The following MMS22L variants were observed in gnomAD, a reference collection of about 807,000 sequenced individuals.
MMS22L encodes the protein protein MMS22-like.
Under a neutral mutation model 159.1 loss-of-function variants are expected in MMS22L, and 74 were observed. That is an observed-to-expected ratio of 0.47 (90% CI 0.39 to 0.56). MMS22L has a LOEUF of 0.56. Ranked by LOEUF, MMS22L falls within the 20% of genes least tolerant of loss-of-function variation. The probability of loss-of-function intolerance (pLI) is 0.00; values close to 1 mark genes in which losing one functional copy is unlikely to be tolerated. For missense variants in MMS22L, 1,351 were observed against 1,422.1 expected (o/e 0.95, Z 0.80); for synonymous variants, 517 against 506.9 (o/e 1.02, Z -0.27).
intron 9 of MMS22L, chr6:97,260,931 A>C (rs953137704): frequency 2.0e-5 from 3 of 151,354 alleles, no homozygotes; most frequent in Admixed American, 6.6e-5. Context: ...TAAGACCCTA[A>C]ATTTTCTGCT....
intron 4 of MMS22L, among the ~76,000 whole-genome samples, chr6:97,277,745 C>G (rs1468265078): frequency 6.6e-6 from 1 of 152,116 alleles, no homozygotes; most frequent in Non-Finnish European, 1.5e-5. Flanking sequence ...CCCTTAAGCC[C>G]TACGGAAAAT....
At position 97,173,161 on chromosome 6, in the gene MMS22L, T is replaced by G. The variant is rs1269308469; in HGVS notation, c.2741A>C (p.Lys914Thr). ...TLSDKSAMVTKSLEYLGEVLK... is the reference protein window; with the variant it reads ...TLSDKSAMVTTSLEYLGEVLK... Reference sequence around the variant, plus strand: ...TACTTCACCAAGGTATTCCAAGGACTTTGTGACCATGGCAGATTTATCAGA... The same window carrying G: ...TACTTCACCAAGGTATTCCAAGGACGTTGTGACCATGGCAGATTTATCAGA... Residue 914 changes from lysine to threonine, a missense_variant, in exon 19 of 25, where the codon AAG (lysine) becomes ACG (threonine). Physicochemically the swap from Lys to Thr is moderately conservative, Grantham distance 78. Transcript: ENST00000683635. The G allele has an allele frequency of 6.2e-7, 1 of 1,613,584 alleles. No homozygotes were observed. Among genetic ancestry groups the G allele is most frequent in the Non-Finnish European group, 8.5e-7 (1 of 1,179,772 alleles).
chr6:97,248,359 TCTC>T (rs1455361852), intron 10 of MMS22L, among the ~76,000 whole-genome samples: 21 of 151,786 alleles, frequency 1.4e-4, no homozygotes, highest in African/African-American at 4.6e-4. Context: ...CAGCTAAGCT[TCTC>T]CTGAATGCCT....
chr6:97,245,467 A>G (rs1812520641), intron 11 of MMS22L, among the ~76,000 whole-genome samples: 1 of 152,164 alleles, frequency 6.6e-6, no homozygotes, highest in Non-Finnish European at 1.5e-5. Context: ...TGTAATATGC[A>G]TCTTATTTCA....
chr6:97,273,550 C>T (rs1815965772), intron 4 of MMS22L, among the ~76,000 whole-genome samples: 1 of 152,164 alleles, frequency 6.6e-6, no homozygotes, highest in Admixed American at 6.5e-5. Flanking sequence ...CTCTCCTTTG[C>T]ACTCCAGACC....
intron 14 of MMS22L, among the ~76,000 whole-genome samples, chr6:97,216,357 C>T (rs1809015508): frequency 6.6e-6 from 1 of 151,964 alleles, no homozygotes; most frequent in Admixed American, 6.6e-5. Flanking sequence ...CCTTCCCTCA[C>T]TGTCATATTA....
rs552146027 is a variant in MMS22L, at chr6:97,220,092, C to G, written c.2039+8802G>C. Among the ~76,000 whole-genome samples, 6 of 152,286 alleles carry G rather than the reference C, an allele frequency of 3.9e-5. No homozygotes were observed. In the East Asian group the frequency reaches 1.2e-3, roughly 29 times the overall value. On this transcript the variant is annotated intron_variant, in intron 14 of 24. Coordinates refer to ENST00000683635, the MANE Select transcript of MMS22L (RefSeq NM_001350599.2). ...GCTTATTCAGTCCTCAGCTTCAGCT[C>G]TGCTATACTGGTCATGTTCTGGCCT...
chr6:97,248,409 T>C (rs1192849074), intron 10 of MMS22L, among the ~76,000 whole-genome samples: 1 of 152,214 alleles, frequency 6.6e-6, no homozygotes, highest in Non-Finnish European at 1.5e-5. Context: ...TAATAAATGT[T>C]TGTTTTAAGC....
intron 14 of MMS22L, among the ~76,000 whole-genome samples, chr6:97,226,122 G>A (rs1810221949): frequency 6.6e-6 from 1 of 151,966 alleles, no homozygotes; most frequent in South Asian, 2.1e-4. Flanking sequence ...AACGTAAACT[G>A]GTAAACAATA....
At chr6:97,185,823 G>A (rs1805166617) in intron 15 of MMS22L, among the ~76,000 whole-genome samples, 1 of 152,046 alleles carries the variant, frequency 6.6e-6, no homozygotes. Flanking sequence ...AGTACATGGA[G>A]TTACCATACT....
At chr6:97,273,483 A>G (rs1815959806) in intron 4 of MMS22L, among the ~76,000 whole-genome samples, 1 of 152,138 alleles carries the variant, frequency 6.6e-6, no homozygotes, top group African/African-American at 2.4e-5. Context: ...GTATGATCTC[A>G]TCAGTTCCTT....
At position 97,146,614 on chromosome 6, in the gene MMS22L, C is replaced by A; in HGVS notation, c.*192G>T. 1 of 372,728 alleles carries A rather than the reference C, an allele frequency of 2.7e-6. No individual in the cohort carries two copies. Among genetic ancestry groups the A allele is most frequent in the Non-Finnish European group, 4.9e-6 (1 of 204,352 alleles). The allele number at this position is 372,728 out of a possible 1,614,324, so 23.1% of individuals were successfully genotyped here. On this transcript the variant is annotated 3_prime_UTR_variant, in exon 25 of 25. Transcript: ENST00000683635. ...CAGTTTTGTAAAAAGTTCCAAGGAT[C>A]CTATTACACAGTTGCTAATTAACCT...
rs138796813 is a variant in MMS22L, at chr6:97,202,615, G to A, written c.2040-15925C>T. On this transcript the variant is annotated intron_variant, in intron 14 of 24. Transcript: ENST00000683635. ...ATAATATCATCTACAGTTTGGTGAT[G>A]AAAAAATGGACTCAGAGGTTAAATA... Among the ~76,000 whole-genome samples, 293 of 152,072 alleles carry A rather than the reference G, an allele frequency of 1.9e-3. 2 individuals carry two copies. Among genetic ancestry groups the A allele is most frequent in the African/African-American group, 6.8e-3 (283 of 41,508 alleles).
rs1811130707 is a variant in MMS22L, at chr6:97,233,948, A to G, written c.1215T>C (p.Tyr405=). The change falls in exon 12 of 25, where the codon TAT becomes TAC. Residue 405 remains tyrosine (Y), a synonymous_variant. Transcript: ENST00000683635. ...GVILEEQLRM[Y]LHCCLTLCDF... ...CACAAAGTGTCAAACAACAGTGAAG[A>G]TACATTCGTAATTGTTCTTCTAGAA... 6.2e-7 allele frequency: 1 copy of G among 1,610,004 alleles called. No homozygotes were observed. Among genetic ancestry groups the G allele is most frequent in the African/African-American group, 1.3e-5 (1 of 74,778 alleles).
intron 14 of MMS22L, among the ~76,000 whole-genome samples, chr6:97,208,263 T>C (rs1807998232): frequency 6.6e-6 from 1 of 152,136 alleles, no homozygotes; most frequent in African/African-American, 2.4e-5. Context: ...ATTACCACAA[T>C]GATTTCCTAC....
At chr6:97,261,681 A>G (rs1174397598) in intron 9 of MMS22L, 1 of 152,132 alleles carries the variant, frequency 6.6e-6, no homozygotes, top group Non-Finnish European at 1.5e-5. Context: ...CCTAACTCCC[A>G]CATTGTTCAA....
chr6:97,273,058 C>T lies in MMS22L; in HGVS notation c.345G>A (p.Lys115=). The T allele has an allele frequency of 6.2e-7, 1 of 1,602,336 alleles. No individual in the cohort carries two copies. The highest frequency in any genetic ancestry group is 8.5e-7 in the Non-Finnish European group (1 of 1,177,012). ...TLLQSSCDFG[K]VSTLHCKADN... ...CTGCTTTGCAGTGTAGAGTTGATACCTTCCCTGAAACCAAAATAGACAATG... is the reference window on the plus strand; with the variant it reads ...CTGCTTTGCAGTGTAGAGTTGATACTTTCCCTGAAACCAAAATAGACAATG... Residue 115 remains lysine (K), a synonymous_variant, in exon 5 of 25, where the codon AAG becomes AAA. Coordinates refer to ENST00000683635, the MANE Select transcript of MMS22L (RefSeq NM_001350599.2).
intron 14 of MMS22L, among the ~76,000 whole-genome samples, chr6:97,208,206 T>C (rs559433567): frequency 6.6e-6 from 1 of 152,230 alleles, no homozygotes; most frequent in African/African-American, 2.4e-5. Flanking sequence ...CTCCTACCTT[T>C]ATGTATTTTT....
rs942752584 is a variant in MMS22L at position 97,151,815 on chromosome 6, C to T, written c.3438G>A (p.Val1146=). ...NLQYMVKACQ[V]GSEEEPSSQL... ...GGGAGGAAGGTTCTTCTTCTGACCCCACTTGGCAGGCTTTTACCATGTATT... is the reference window on the plus strand; with the variant it reads ...GGGAGGAAGGTTCTTCTTCTGACCCTACTTGGCAGGCTTTTACCATGTATT... Residue 1146 remains valine, a synonymous_variant, in exon 23 of 25, where the codon GTG becomes GTA. Transcript: ENST00000683635. The T allele has an allele frequency of 5.6e-6, 9 of 1,613,654 alleles. No individual in the cohort carries two copies. In the African/African-American group the frequency reaches 8.0e-5, roughly 14 times the overall value.
Sources: gnomAD v4.1 joint callset for allele counts (sites outside exome capture counted in the v4.1 genomes callset) on GRCh38, gnomAD v4.1.1 for gene constraint, MANE v1.5 for transcripts, NCBI Gene and HGNC (gene_info 2026-07-23, HGNC 2026-07-21) for gene names.